Variants in ORC2 observed in about 807,000 individuals in gnomAD.
ORC2 encodes origin recognition complex protein 2 homolog.
Under a neutral mutation model 77.7 loss-of-function variants are expected in ORC2, and 37 were observed. That is an observed-to-expected ratio of 0.48 (90% confidence interval 0.37 to 0.63). The LOEUF (loss-of-function observed/expected upper bound fraction) is 0.63. Ranked by LOEUF, ORC2 falls within the 20% of genes least tolerant of loss-of-function variation. The probability of loss-of-function intolerance (pLI) is 0.00; values close to 1 mark genes in which losing one functional copy is unlikely to be tolerated. For missense variants in ORC2, 557 were observed against 661.9 expected, an observed-to-expected ratio of 0.84 and a Z score of 1.74; for synonymous variants, 201 against 229.5, an observed-to-expected ratio of 0.88 and a Z score of 1.12.
chr2:200,949,553 C>T lies in ORC2; in HGVS notation c.328+1G>A, dbSNP rs1462022925. 2.0e-6 allele frequency: 3 copies of T among 1,511,562 alleles called. No individual in the cohort carries two copies. The highest frequency in any genetic ancestry group is 1.4e-5 in the African/African-American group (1 of 72,730). 93.6% of individuals were successfully genotyped at this position (1,511,562 alleles called of 1,614,324 possible). A position where few individuals can be genotyped will look rare whatever the true frequency, so the allele number is the denominator to read the frequency against. On this transcript the variant is annotated splice_donor_variant, in intron 5 of 17. Transcript: ENST00000234296. LOFTEE classifies it high-confidence loss of function. The stretch of plus-strand genomic sequence containing the variant: ...TTATAGAAATCAGAAAAGCAACATA[C>T]CTAATTTAGCCATCTTTTCAGAGTG...
At chr2:200,957,583 A>C (rs1664998951) in intron 3 of ORC2, 39 bp from the exon 4 acceptor site, 1 of 1,431,392 alleles carries the variant, frequency 7.0e-7, no homozygotes, top group African/African-American at 1.5e-5. Flanking sequence ...TGACAGGTAT[A>C]AATTCTTTCT....
At chr2:200,961,872 C>T (rs191898881) in intron 1 of ORC2, among the ~76,000 whole-genome samples, 72 of 152,220 alleles carry the variant, frequency 4.7e-4, no homozygotes, top group African/African-American at 1.5e-3. Context: ...AGGTCGGTTA[C>T]GTAATTCTTA....
rs1458982593 is a variant in ORC2, at chr2:200,922,329, CA to C, written c.1148-1191del. ...AAGAAGAAAGTTACAGGTGATCAAG[CA>C]TACAGTTCTGATAGCACAGAGGAAA... On this transcript the variant is annotated intron_variant, in intron 13 of 17. Transcript: ENST00000234296. Among the ~76,000 whole-genome samples, 3 of 137,696 alleles carry C rather than the reference CA, an allele frequency of 2.2e-5. No individual in the cohort carries two copies. In the Admixed American group the frequency reaches 2.4e-4, roughly 11 times the overall value. The allele number at this position is 137,696 out of a possible 152,430, so 90.3% of individuals were successfully genotyped here. A position where few individuals can be genotyped will look rare whatever the true frequency, so the allele number is the denominator to read the frequency against.
At chr2:200,926,721 T>C (rs761573766) in intron 12 of ORC2, 47 bp downstream of exon 12, 1 of 1,591,944 alleles carries the variant, frequency 6.3e-7, no homozygotes, top group South Asian at 1.1e-5. Flanking sequence ...GGGGCTTGAA[T>C]TGGCAGAGGA....
intron 15 of ORC2, among the ~76,000 whole-genome samples, chr2:200,918,034 C>T (rs906754325): frequency 2.0e-5 from 3 of 151,906 alleles, no homozygotes; most frequent in African/African-American, 4.8e-5. Flanking sequence ...ATTCCATGCA[C>T]ATTTTAAACT....
At chr2:200,950,958 A>G (rs1201797974) in intron 4 of ORC2, among the ~76,000 whole-genome samples, 1 of 152,186 alleles carries the variant, frequency 6.6e-6, no homozygotes, top group East Asian at 1.9e-4. Context: ...GTTTCTTCTC[A>G]GAAAAAATAT....
At chr2:200,917,195 A>G (rs1575151252) in intron 15 of ORC2, among the ~76,000 whole-genome samples, 1 of 151,838 alleles carries the variant, frequency 6.6e-6, no homozygotes, top group African/African-American at 2.4e-5. Flanking sequence ...CGGTTTCACC[A>G]TGTTGGCCAG....
chr2:200,959,942 G>A (rs2041540737), intron 1 of ORC2, among the ~76,000 whole-genome samples: 1 of 150,990 alleles, frequency 6.6e-6, no homozygotes, highest in African/African-American at 2.4e-5. Flanking sequence ...TGTGCCTATA[G>A]TCTACTCGGA....
intron 5 of ORC2, among the ~76,000 whole-genome samples, chr2:200,948,157 C>A (rs2041285985): frequency 6.6e-6 from 1 of 152,016 alleles, no homozygotes; most frequent in Admixed American, 6.5e-5. Context: ...TTGTGATCCA[C>A]CTGCCTCGGC....
chr2:200,950,705 T>C (rs1280970898), intron 4 of ORC2, among the ~76,000 whole-genome samples: 6 of 152,202 alleles, frequency 3.9e-5, no homozygotes. Context: ...TATTGAAAGT[T>C]GTTTTCATTT....
intron 16 of ORC2, chr2:200,913,679 C>G: frequency 1.6e-6 from 2 of 1,267,234 alleles, no homozygotes; most frequent in Non-Finnish European, 2.0e-6. Flanking sequence ...TTGGCAGATA[C>G]ACATCCATAG....
chr2:200,919,579 G>A (rs976081451), intron 15 of ORC2, among the ~76,000 whole-genome samples: 19 of 152,174 alleles, frequency 1.2e-4, no homozygotes, highest in African/African-American at 3.1e-4. Flanking sequence ...GGCTGGTCTC[G>A]AACTCCTGAC....
chr2:200,915,477 AT>A (rs1327660889), intron 15 of ORC2, among the ~76,000 whole-genome samples: 2 of 152,198 alleles, frequency 1.3e-5, no homozygotes, highest in African/African-American at 4.8e-5. Context: ...TACAGAAAAA[AT>A]AACTCAGCAC....
chr2:200,952,323 G>A (rs2041373156), intron 4 of ORC2, among the ~76,000 whole-genome samples: 1 of 151,928 alleles, frequency 6.6e-6, no homozygotes, highest in African/African-American at 2.4e-5. Context: ...GCAGTGGCAC[G>A]ATCTAGGCTC....
chr2:200,962,421 G>T (rs1212442003), intron 1 of ORC2, among the ~76,000 whole-genome samples: 1 of 152,168 alleles, frequency 6.6e-6, no homozygotes, highest in East Asian at 1.9e-4. Flanking sequence ...GAAAAAGAAG[G>T]TTGGATAGAT....
rs1160690353 is a variant in ORC2, at chr2:200,910,522, C to T, written c.*779G>A. 1 of 152,146 alleles carries T rather than the reference C, an allele frequency of 6.6e-6. No individual in the cohort carries two copies. The allele number at this position is 152,146 out of a possible 1,614,324, so 9.4% of individuals were successfully genotyped here. On this transcript the variant is annotated 3_prime_UTR_variant, in exon 18 of 18. Transcript: ENST00000234296. ...GTTTTATTTTTTGTTGTCTTGAAAA[C>T]AATTACTAAAATGTAATTCAGGATT...
At chr2:200,924,120 G>A (rs1051337569) in intron 13 of ORC2, among the ~76,000 whole-genome samples, 1 of 152,160 alleles carries the variant, frequency 6.6e-6, no homozygotes, top group Non-Finnish European at 1.5e-5. Context: ...GCCCAGGCAG[G>A]AGTATCCCTT....
intron 13 of ORC2, among the ~76,000 whole-genome samples, chr2:200,922,301 G>A (rs937610268): frequency 2.1e-4 from 32 of 150,530 alleles, no homozygotes; most frequent in Admixed American, 4.7e-4. Flanking sequence ...CACTGGGCTT[G>A]GTAAGAAGAA....
At chr2:200,950,662 T>C (rs1188668936) in intron 4 of ORC2, among the ~76,000 whole-genome samples, 4 of 152,212 alleles carry the variant, frequency 2.6e-5, no homozygotes, top group Non-Finnish European at 5.9e-5. Flanking sequence ...AGCCAGACAT[T>C]AAAAATAGAA....
Sources: allele counts gnomAD v4.1 joint callset (sites outside exome capture counted in the v4.1 genomes callset), GRCh38; gene constraint gnomAD v4.1.1; transcripts MANE v1.5; gene names NCBI Gene and HGNC (gene_info 2026-07-23, HGNC 2026-07-21).